LRMDA: variants seen among roughly 807,000 people sequenced by gnomAD.
LRMDA encodes leucine rich melanocyte differentiation associated.
Under a neutral mutation model 29.8 loss-of-function variants are expected in LRMDA, and 18 were observed. The observed-to-expected ratio is 0.60, with a 90% CI of 0.42 to 0.90. The LOEUF (loss-of-function observed/expected upper bound fraction) is 0.90, where lower values mean the gene tolerates loss of function less well. LRMDA is among the 40% of genes least tolerant of loss of function. LRMDA has a pLI of 0.00. For missense variants in LRMDA, 273 were observed against 273.9 expected (o/e 1.00, Z 0.02); for synonymous variants, 125 against 109.4 (o/e 1.14, Z -0.89).
chr10:76,544,418 A>T (rs1843394950), intron 6 of LRMDA, among the ~76,000 whole-genome samples: 1 of 152,136 alleles, frequency 6.6e-6, no homozygotes, highest in Non-Finnish European at 1.5e-5. Flanking sequence ...GGTACCACCC[A>T]CTGTCAGCAG....
intron 2 of LRMDA, among the ~76,000 whole-genome samples, chr10:75,537,635 T>C (rs1394346426): frequency 6.6e-6 from 1 of 152,198 alleles, no homozygotes; most frequent in Non-Finnish European, 1.5e-5. Context: ...TGTAAGGGAT[T>C]TGCAGATGTG....
At chr10:76,454,842 G>A (rs1414171265) in intron 6 of LRMDA, among the ~76,000 whole-genome samples, 2 of 152,214 alleles carry the variant, frequency 1.3e-5, no homozygotes, top group African/African-American at 4.8e-5. Context: ...GATGTTGAGA[G>A]AAGGACAATT....
chr10:76,284,694 C>T (rs1384980468), intron 5 of LRMDA, among the ~76,000 whole-genome samples: 1 of 152,152 alleles, frequency 6.6e-6, no homozygotes, highest in Non-Finnish European at 1.5e-5. Flanking sequence ...CAAATCTCAT[C>T]TTGAATTGTG....
chr10:75,942,929 C>G (rs1005564681), intron 2 of LRMDA, among the ~76,000 whole-genome samples: 1 of 152,070 alleles, frequency 6.6e-6, no homozygotes, highest in East Asian at 1.9e-4. Context: ...GGGATATGAA[C>G]TACTGTGATG....
intron 2 of LRMDA, among the ~76,000 whole-genome samples, chr10:75,504,651 G>T (rs1233228573): frequency 2.6e-5 from 4 of 152,108 alleles, no homozygotes; most frequent in African/African-American, 4.8e-5. Context: ...TCTCAACAAG[G>T]AGGGGAGGAA....
At chr10:75,581,134 C>T (rs1057407994) in intron 2 of LRMDA, among the ~76,000 whole-genome samples, 13 of 152,018 alleles carry the variant, frequency 8.6e-5, no homozygotes, top group African/African-American at 3.1e-4. Flanking sequence ...GAACAGGCAA[C>T]CTACAGAATG....
chr10:76,383,426 T>C (rs1280797510), intron 6 of LRMDA, among the ~76,000 whole-genome samples: 16 of 137,142 alleles, frequency 1.2e-4, no homozygotes, highest in South Asian at 7.5e-4. Context: ...TTTTTTTTTT[T>C]TTTTTTTTTT....
At chr10:75,894,532 G>A (rs1219122207) in intron 2 of LRMDA, among the ~76,000 whole-genome samples, 1 of 152,144 alleles carries the variant, frequency 6.6e-6, no homozygotes, top group Admixed American at 6.5e-5. Context: ...CTTTTCCTCT[G>A]GGTAGACACC....
chr10:76,025,554 C>T (rs945311674), intron 2 of LRMDA, among the ~76,000 whole-genome samples: 56 of 152,102 alleles, frequency 3.7e-4, no homozygotes, highest in African/African-American at 1.4e-3. Flanking sequence ...ACTTGTGCAT[C>T]ATTTGTATCC....
At chr10:76,315,747 AAG>A (rs1387428348) in intron 5 of LRMDA, among the ~76,000 whole-genome samples, 1 of 152,046 alleles carries the variant, frequency 6.6e-6, no homozygotes, top group Non-Finnish European at 1.5e-5. Context: ...CCCCACCTTC[AAG>A]CCAGGGATGG....
chr10:76,113,314 C>T (rs10762692), intron 5 of LRMDA, among the ~76,000 whole-genome samples: 51,789 of 151,626 alleles, frequency 0.34, 10,028 homozygotes, highest in East Asian at 0.66. Flanking sequence ...GGGTGGCAGA[C>T]GCAGTTGAGG....
chr10:76,487,878 A>AAT (rs966421173), intron 6 of LRMDA, among the ~76,000 whole-genome samples: 2 of 151,818 alleles, frequency 1.3e-5, no homozygotes, highest in Non-Finnish European at 2.9e-5. Context: ...AATATTACCA[A>AAT]ATTTATGGCA....
At chr10:76,513,026 C>G (rs1285398261) in intron 6 of LRMDA, among the ~76,000 whole-genome samples, 1 of 152,136 alleles carries the variant, frequency 6.6e-6, no homozygotes, top group Non-Finnish European at 1.5e-5. Flanking sequence ...GTGAGGCATA[C>G]CTGTTTGCCC....
At chr10:75,853,626 T>C (rs1353202286) in intron 2 of LRMDA, among the ~76,000 whole-genome samples, 2 of 152,216 alleles carry the variant, frequency 1.3e-5, no homozygotes, top group East Asian at 1.9e-4. Flanking sequence ...AACTTAATGA[T>C]GTATAATTGA....
intron 5 of LRMDA, among the ~76,000 whole-genome samples, chr10:76,185,730 C>T (rs570609975): frequency 6.6e-6 from 1 of 152,240 alleles, no homozygotes; most frequent in Non-Finnish European, 1.5e-5. Flanking sequence ...GTTTTGAAAT[C>T]GGTCTGGTAA....
chr10:75,937,079 A>T (rs1407522144), intron 2 of LRMDA, among the ~76,000 whole-genome samples: 1 of 152,130 alleles, frequency 6.6e-6, no homozygotes, highest in Non-Finnish European at 1.5e-5. Flanking sequence ...AAGCCCTAAC[A>T]CCCCTAAAAT....
chr10:76,072,106 T>C (rs540049804), intron 5 of LRMDA, among the ~76,000 whole-genome samples: 1 of 152,216 alleles, frequency 6.6e-6, no homozygotes, highest in Non-Finnish European at 1.5e-5. Context: ...TAATAAATAC[T>C]TACAGCATTG....
intron 2 of LRMDA, among the ~76,000 whole-genome samples, chr10:75,906,941 C>A (rs766580136): frequency 9.8e-5 from 15 of 152,346 alleles, no homozygotes; most frequent in African/African-American, 3.6e-4. Flanking sequence ...CCTTTTCAAT[C>A]TCTCTTTTTC....
At chr10:76,551,832 T>C (rs908775945) in intron 6 of LRMDA, among the ~76,000 whole-genome samples, 11 of 152,178 alleles carry the variant, frequency 7.2e-5, no homozygotes, top group African/African-American at 2.7e-4. Flanking sequence ...TTTTCCTCTC[T>C]GTCACTGGGC....
Sources: allele counts gnomAD v4.1 joint callset (sites outside exome capture counted in the v4.1 genomes callset), GRCh38; gene constraint gnomAD v4.1.1; transcripts MANE v1.5; gene names NCBI Gene and HGNC (gene_info 2026-07-23, HGNC 2026-07-21).